Variants in DLST observed in about 807,000 individuals in gnomAD.
The protein encoded by DLST is dihydrolipoyllysine-residue succinyltransferase component of 2-oxoglutarate dehydrogenase complex, mitochondrial.
DLST carries 17 observed loss-of-function variants against 53.1 expected under a neutral mutation model. That is an observed-to-expected ratio of 0.32 (90% CI 0.22 to 0.48). The LOEUF (loss-of-function observed/expected upper bound fraction) is 0.48, where lower values mean the gene tolerates loss of function less well. DLST is among the 20% of genes least tolerant of loss of function. The pLI is 0.99. For missense variants in DLST, 512 were observed against 583.9 expected (o/e 0.88, Z 1.27); for synonymous variants, 206 against 204.8 (o/e 1.01, Z -0.05).
rs1417550122 is a variant in DLST at position 74,891,031 on chromosome 14, TC to T, written c.331-23del. The T allele has an allele frequency of 2.5e-6, 4 of 1,601,268 alleles. No individual in the cohort carries two copies. The South Asian group carries it at 3.3e-5, about 13-fold the overall frequency. On this transcript the variant is annotated intron_variant, in intron 6 of 14. Transcript: ENST00000334220. ...CTAATGCTGGATAAACATTTGGACT[TC>T]CTCCATCTGTCTTCCTCTTCCAGAC...
chr14:74,882,425 C>T (rs1883556440), intron 1 of DLST, among the ~76,000 whole-genome samples, 166 bp from the exon 2 acceptor site: 1 of 152,106 alleles, frequency 6.6e-6, no homozygotes, highest in African/African-American at 2.4e-5. Context: ...TTTGGCAGGC[C>T]CAGCGTGTTG....
intron 3 of DLST, among the ~76,000 whole-genome samples, chr14:74,888,256 T>TGGTTTTTTTGTTTTTG: frequency 6.7e-6 from 1 of 149,668 alleles, no homozygotes; most frequent in East Asian, 1.9e-4. Context: ...GGTTTGTGTG[T>TGGTTTTTTTGTTTTTG]GGTTTTTTTG....
At chr14:74,889,806 G>T in intron 5 of DLST, 91 bp from the exon 6 acceptor site, 1 of 1,286,764 alleles carries the variant, frequency 7.8e-7, no homozygotes. Flanking sequence ...GTAGGAAAGG[G>T]TTCTTATAAC....
chr14:74,886,353 A>T (rs571020966), intron 3 of DLST, among the ~76,000 whole-genome samples: 3 of 152,132 alleles, frequency 2.0e-5, no homozygotes, highest in South Asian at 2.1e-4. Context: ...TTGAGACAGG[A>T]TCTTGCTCTG....
chr14:74,891,883 A>G (rs970889750), intron 7 of DLST: 1 of 984,684 alleles, frequency 1.0e-6, no homozygotes, highest in Non-Finnish European at 1.2e-6. Context: ...AGTAGAAAAC[A>G]TGTATGGTAG....
chr14:74,889,367 ATTTTTTTT>A lies in DLST; in HGVS notation c.274+31_274+38del, dbSNP rs560243017. On this transcript the variant is annotated intron_variant, in intron 5 of 14. Transcript: ENST00000334220. ...GGAGAAAGGTAAGATTTAGTTTCCT[ATTTTTTTT>A]TTTTTTTTTTTTGAGACAGAGTCTT... 6 of 1,210,668 alleles carry A rather than the reference ATTTTTTTT, an allele frequency of 5.0e-6. No homozygotes were observed. Among genetic ancestry groups the A allele is most frequent in the Admixed American group, 2.7e-5 (1 of 36,622 alleles). The allele number at this position is 1,210,668 out of a possible 1,614,324, so 75.0% of individuals were successfully genotyped here.
chr14:74,882,485 T>G, intron 1 of DLST, 106 bp from the exon 2 acceptor site: 1 of 1,131,224 alleles, frequency 8.8e-7, no homozygotes, highest in African/African-American at 1.5e-5. Context: ...AGTTACGAGA[T>G]TCACCTGTCA....
intron 11 of DLST, among the ~76,000 whole-genome samples, chr14:74,899,635 T>C (rs766355247): frequency 4.6e-5 from 7 of 152,202 alleles, no homozygotes; most frequent in South Asian, 4.1e-4. Context: ...AACGAGAGTT[T>C]AGTGCATACC....
intron 2 of DLST, among the ~76,000 whole-genome samples, chr14:74,885,099 C>T (rs1021042950): frequency 6.6e-6 from 1 of 152,176 alleles, no homozygotes; most frequent in African/African-American, 2.4e-5. Context: ...GTCTTTGCTA[C>T]TAGGATTCAG....
chr14:74,898,739 G>A (rs1420126051), intron 11 of DLST, among the ~76,000 whole-genome samples: 1 of 152,222 alleles, frequency 6.6e-6, no homozygotes, highest in African/African-American at 2.4e-5. Context: ...AGCTGCTCAG[G>A]CAGCAGGCAG....
At chr14:74,899,869 T>G in intron 11 of DLST, 54 bp from the exon 12 acceptor site, 3 of 1,412,106 alleles carry the variant, frequency 2.1e-6, no homozygotes, top group Non-Finnish European at 3.0e-6. Context: ...TATTACCTCA[T>G]TAGTCTTGGC....
chr14:74,899,907 AT>A lies in DLST; in HGVS notation c.902-12del. 1 of 1,604,054 alleles carries A rather than the reference AT, an allele frequency of 6.2e-7. No individual in the cohort carries two copies. Among genetic ancestry groups the A allele is most frequent in the Non-Finnish European group, 8.5e-7 (1 of 1,173,538 alleles). On this transcript the variant is annotated splice_polypyrimidine_tract_variant and intron_variant, in intron 11 of 14. Coordinates refer to ENST00000334220, the MANE Select transcript of DLST (RefSeq NM_001933.5). ...TCCTGGGGAGTTGTATGTAACATGT[AT>A]TTTCTCTCTCATAGTGATTGACGAC...
At chr14:74,892,684 T>TTG (rs1236077975) in intron 7 of DLST, 150 bp from the exon 8 acceptor site, 17 of 742,134 alleles carry the variant, frequency 2.3e-5, no homozygotes, top group South Asian at 4.0e-5. Context: ...CCTTATGTCA[T>TTG]TGTGTGTGTG....
chr14:74,891,474 A>C, intron 7 of DLST: 2 of 1,018,288 alleles, frequency 2.0e-6, no homozygotes, highest in Non-Finnish European at 2.4e-6. Context: ...AAAATTCAAA[A>C]TCTGAAATGC....
At chr14:74,901,844 ATTTTT>A (rs11325303) in intron 14 of DLST, among the ~76,000 whole-genome samples, 1 of 147,220 alleles carries the variant, frequency 6.8e-6, no homozygotes, top group Non-Finnish European at 1.5e-5. Flanking sequence ...CCCTGGCTTA[ATTTTT>A]TTTTTTTTTT....
chr14:74,899,739 C>G (rs1884182122), intron 11 of DLST, among the ~76,000 whole-genome samples, 184 bp from the exon 12 acceptor site: 1 of 152,110 alleles, frequency 6.6e-6, no homozygotes, highest in Admixed American at 6.5e-5. Flanking sequence ...TTGGGAGATA[C>G]TATACTTGGG....
intron 11 of DLST, among the ~76,000 whole-genome samples, chr14:74,899,303 T>C (rs1372721991): frequency 1.3e-5 from 2 of 152,058 alleles, no homozygotes; most frequent in African/African-American, 2.4e-5. Context: ...TGGCCTCTTT[T>C]TCACATTACA....
chr14:74,891,563 T>A, intron 7 of DLST: 1 of 994,240 alleles, frequency 1.0e-6, no homozygotes, highest in Non-Finnish European at 1.2e-6. Context: ...AAATGCTCAT[T>A]GTCTTTTATG....
chr14:74,895,843 CT>C (rs1396743808), intron 10 of DLST, among the ~76,000 whole-genome samples: 1 of 152,100 alleles, frequency 6.6e-6, no homozygotes, highest in East Asian at 1.9e-4. Flanking sequence ...GTTGCAGTGG[CT>C]GATATCGCGC....
Sources: allele counts gnomAD v4.1 joint callset (sites outside exome capture counted in the v4.1 genomes callset), GRCh38; gene constraint gnomAD v4.1.1; transcripts MANE v1.5; gene names NCBI Gene and HGNC (gene_info 2026-07-23, HGNC 2026-07-21).